SCFD1: variants seen among roughly 807,000 people sequenced by gnomAD.
The protein encoded by SCFD1 is sec1 family domain-containing protein 1.
In SCFD1, 37 loss-of-function variants were observed where a neutral mutation model predicts 103.2. The ratio of observed to expected loss-of-function variants is 0.36; its 90% confidence interval spans 0.28 to 0.47. The LOEUF (loss-of-function observed/expected upper bound fraction) is 0.47, where lower values mean the gene tolerates loss of function less well. Ranked by LOEUF, SCFD1 falls within the 20% of genes least tolerant of loss-of-function variation. The probability of loss-of-function intolerance (pLI) is 1.00; values close to 1 mark genes in which losing one functional copy is unlikely to be tolerated. For synonymous variants in SCFD1, 264 were observed against 245.0 expected, an observed-to-expected ratio of 1.08 and a Z score of -0.73; for missense variants, 639 against 761.2, an observed-to-expected ratio of 0.84 and a Z score of 1.89.
At chr14:30,650,453 T>A in intron 8 of SCFD1, 112 bp from the exon 9 acceptor site, 1 of 678,820 alleles carries the variant, frequency 1.5e-6, no homozygotes, top group Non-Finnish European at 2.6e-6. Flanking sequence ...AGATTTGCTA[T>A]TTGTAAAGAA....
chr14:30,700,489 C>T (rs1369392137), intron 16 of SCFD1, among the ~76,000 whole-genome samples: 4 of 152,132 alleles, frequency 2.6e-5, no homozygotes, highest in African/African-American at 4.8e-5. Flanking sequence ...GTCTGGGCAA[C>T]ATGACAAAAC....
At chr14:30,720,192 C>T (rs935881189) in intron 21 of SCFD1, among the ~76,000 whole-genome samples, 1 of 152,030 alleles carries the variant, frequency 6.6e-6, no homozygotes, top group African/African-American at 2.4e-5. Flanking sequence ...TCTGAATTTA[C>T]CAGAAATATC....
At chr14:30,652,575 G>C (rs935124473) in intron 9 of SCFD1, among the ~76,000 whole-genome samples, 3 of 152,016 alleles carry the variant, frequency 2.0e-5, no homozygotes, top group African/African-American at 4.8e-5. Flanking sequence ...CCTACTCTTT[G>C]TTTTCCCTGA....
intron 1 of SCFD1, among the ~76,000 whole-genome samples, chr14:30,624,029 A>G (rs1476767622): frequency 1.3e-5 from 2 of 152,176 alleles, no homozygotes; most frequent in African/African-American, 2.4e-5. Flanking sequence ...TATTATCTCC[A>G]TTTTACAGGT....
At position 30,715,952 on chromosome 14, in the gene SCFD1, A is replaced by G. The variant is rs1315154248; in HGVS notation, c.1658A>G (p.Asn553Ser). 10 of 1,567,896 alleles carry G rather than the reference A, an allele frequency of 6.4e-6. No individual in the cohort carries two copies. The highest frequency in any genetic ancestry group is 4.1e-5 in the African/African-American group (3 of 73,062). The change falls in exon 20 of 25, where the codon AAT (asparagine) becomes AGT (serine). Residue 553 changes from asparagine (N) to serine (S), a missense_variant. Coordinates refer to ENST00000458591, the MANE Select transcript of SCFD1 (RefSeq NM_016106.4). ...CTACCTGTTACTCGTATTTTGGACA[A>G]TCTTATGGAGATGAAGTCAAACCCC... ...QNLPVTRILD[N>S]LMEMKSNPET...
At position 30,705,854 on chromosome 14, in the gene SCFD1, A is replaced by G. The variant is rs1891432756; in HGVS notation, c.1522A>G (p.Ser508Gly). The G allele has an allele frequency of 6.2e-7, 1 of 1,613,808 alleles. No homozygotes were observed. The highest frequency in any genetic ancestry group is 8.5e-7 in the Non-Finnish European group (1 of 1,179,882). ...TACCAAGATGGCCTCAGCTCCGGCC[A>G]GCTATGGCAGCACTACCACTAAACC... is the stretch of plus-strand genomic sequence containing the variant. ...AFTKMASAPA[S>G]YGSTTTKPMG... is the part of the protein sequence containing the mutation. Residue 508 changes from serine (S) to glycine (G), a missense_variant, in exon 18 of 25, where the codon AGC (serine) becomes GGC (glycine). Transcript: ENST00000458591.
In SCFD1 at chr14:30,694,795, T is replaced by C. The variant is rs1566637666; in HGVS notation, c.1265T>C (p.Phe422Ser). The change falls in exon 15 of 25, where the codon TTT becomes TCT. Residue 422 changes from phenylalanine (F) to serine (S), a missense_variant. By Grantham distance (155) the Phe-to-Ser change is radical. Transcript: ENST00000458591. ...CAGGCAAGAAAATTGGATGTATATT[T>C]TGAATATGAAGAAAAAATAATGAGC... Reference protein sequence around the residue: ...HIKARKLDVYFEYEEKIMSKT... With the variant: ...HIKARKLDVYSEYEEKIMSKT... 1.9e-6 allele frequency: 3 copies of C among 1,583,842 alleles called. No homozygotes were observed. Among genetic ancestry groups the C allele is most frequent in the Non-Finnish European group, 2.6e-6 (3 of 1,171,052 alleles).
chr14:30,721,152 C>A (rs1429562361), intron 21 of SCFD1, among the ~76,000 whole-genome samples: 1 of 152,100 alleles, frequency 6.6e-6, no homozygotes, highest in Admixed American at 6.6e-5. Context: ...AATATTCAGA[C>A]AGGCCATAGA....
intron 6 of SCFD1, among the ~76,000 whole-genome samples, chr14:30,642,768 TTTTC>T (rs1885412559): frequency 1.3e-5 from 2 of 152,218 alleles, no homozygotes; most frequent in Non-Finnish European, 1.5e-5. Context: ...GTGGGGTTGT[TTTTC>T]TTAGTAGTAG....
chr14:30,701,419 G>T (rs923575970), intron 16 of SCFD1, among the ~76,000 whole-genome samples: 1 of 152,080 alleles, frequency 6.6e-6, no homozygotes, highest in Non-Finnish European at 1.5e-5. Context: ...GCTGGGCGTG[G>T]TGGTGCACAT....
At chr14:30,711,697 AATATT>A (rs1330200812) in intron 19 of SCFD1, among the ~76,000 whole-genome samples, 5 of 152,138 alleles carry the variant, frequency 3.3e-5, no homozygotes, top group African/African-American at 4.8e-5. Context: ...TTAATTATGT[AATATT>A]ATAACTTATA....
At chr14:30,644,683 C>A (rs923036123) in intron 7 of SCFD1, among the ~76,000 whole-genome samples, 3 of 152,076 alleles carry the variant, frequency 2.0e-5, no homozygotes, top group Admixed American at 6.6e-5. Context: ...ATGTCCTTTG[C>A]CCATTTTTAA....
In SCFD1 at chr14:30,674,008, A is replaced by G; in HGVS notation, c.1160+11A>G. ...AACATCAGCTGTTAGGTAAGTGAGC[A>G]GTATATCCTCTTTGAAGTCTTTCTG... On this transcript the variant is annotated intron_variant, in intron 13 of 24. Transcript: ENST00000458591. 6.2e-7 allele frequency: 1 copy of G among 1,601,744 alleles called. No homozygotes were observed. The highest frequency in any genetic ancestry group is 1.1e-5 in the South Asian group (1 of 90,308).
chr14:30,663,211 C>T (rs1341591577), intron 10 of SCFD1, among the ~76,000 whole-genome samples: 1 of 152,060 alleles, frequency 6.6e-6, no homozygotes, highest in East Asian at 1.9e-4. Context: ...TGCTTTCCTA[C>T]TTTTAGAGCA....
intron 7 of SCFD1, among the ~76,000 whole-genome samples, chr14:30,648,005 G>T (rs2139087660): frequency 6.6e-6 from 1 of 152,290 alleles, no homozygotes; most frequent in South Asian, 2.1e-4. Context: ...GACATAGAAG[G>T]ATGTCAACAC....
chr14:30,653,739 T>A (rs939060740), intron 10 of SCFD1, 151 bp downstream of exon 10: 15 of 498,792 alleles, frequency 3.0e-5, no homozygotes, highest in South Asian at 2.1e-4. Context: ...TTGGTATTAC[T>A]GGGTGTGGAT....
At chr14:30,730,333 C>T (rs570975883) in intron 23 of SCFD1, among the ~76,000 whole-genome samples, 1 of 152,306 alleles carries the variant, frequency 6.6e-6, no homozygotes, top group Admixed American at 6.5e-5. Context: ...GTGCATGTGT[C>T]TTTATAGCAG....
At chr14:30,673,887 T>G in intron 12 of SCFD1, 37 bp from the exon 13 acceptor site, 1 of 1,432,890 alleles carries the variant, frequency 7.0e-7, no homozygotes, top group Non-Finnish European at 9.8e-7. Flanking sequence ...GTGCCTGGGA[T>G]TTTTGAGTAG....
intron 14 of SCFD1, chr14:30,676,313 A>G (rs1198283180): frequency 6.6e-6 from 1 of 152,248 alleles, no homozygotes; most frequent in East Asian, 1.9e-4. Context: ...TGTAGTAAAC[A>G]AGACAGACAA....
Sources: gnomAD v4.1 joint callset for allele counts (sites outside exome capture counted in the v4.1 genomes callset) on GRCh38, gnomAD v4.1.1 for gene constraint, MANE v1.5 for transcripts, NCBI Gene and HGNC (gene_info 2026-07-23, HGNC 2026-07-21) for gene names.